The following SDK1 variants were observed in gnomAD, a reference collection of about 807,000 sequenced individuals.
SDK1 encodes sidekick cell adhesion molecule 1, also known as protein sidekick-1.
Under a neutral mutation model 245.5 loss-of-function variants are expected in SDK1, and 157 were observed. The observed-to-expected ratio is 0.64, with a 90% CI of 0.56 to 0.73. The LOEUF is 0.73. Ranked by LOEUF, SDK1 falls within the 30% of genes least tolerant of loss-of-function variation. SDK1 has a pLI of 0.00. For synonymous variants in SDK1, 1,647 were observed against 1,278.5 expected (o/e 1.29, Z -6.15); for missense variants, 3,583 against 3,002.3 (o/e 1.19, Z -4.52).
In SDK1 at chr7:4,000,507, C is replaced by T. The variant is rs142569608; in HGVS notation, c.2132-10459C>T. 2.1e-3 allele frequency among the ~76,000 whole-genome samples: 313 copies of T among 152,222 alleles called. 4 individuals are homozygous for T. The highest frequency in any genetic ancestry group is 0.015 in the East Asian group (75 of 5,148). ...CCACAAAGAGAATCTCTGAGCTGCA[C>T]GGCTGGGTTGGTTCTTCCCCTGCCA... On this transcript the variant is annotated intron_variant, in intron 14 of 44. Coordinates refer to ENST00000404826, the MANE Select transcript of SDK1 (RefSeq NM_152744.4).
rs113995722 is a variant in SDK1 at position 3,981,104 on chromosome 7, C to G, written c.1995-6082C>G. Among the ~76,000 whole-genome samples, 396 of 152,250 alleles carry G rather than the reference C, an allele frequency of 2.6e-3. 3 individuals carry two copies. Among genetic ancestry groups the G allele is most frequent in the African/African-American group, 9.3e-3 (385 of 41,536 alleles). Reference sequence around the variant, plus strand: ...AAGTCTATTGATGCAATTTTTCCAACGGCACCTGCTCACTTAGTGTCTCTG... The same window carrying G: ...AAGTCTATTGATGCAATTTTTCCAAGGGCACCTGCTCACTTAGTGTCTCTG... On this transcript the variant is annotated intron_variant, in intron 13 of 44. Transcript: ENST00000404826.
intron 1 of SDK1, among the ~76,000 whole-genome samples, chr7:3,586,082 G>A (rs968087305): frequency 1.3e-5 from 2 of 152,082 alleles, no homozygotes; most frequent in African/African-American, 4.8e-5. Flanking sequence ...TGGTGGGGCT[G>A]GCCCAGGAGA....
At chr7:3,599,512 C>CT (rs1357993223) in intron 1 of SDK1, among the ~76,000 whole-genome samples, 1 of 152,122 alleles carries the variant, frequency 6.6e-6, no homozygotes, top group Non-Finnish European at 1.5e-5. Flanking sequence ...GTGCATTATG[C>CT]TTTTTATGTC....
At position 4,267,091 on chromosome 7, in the gene SDK1, AC is replaced by A; in HGVS notation, c.*1709del. ...GCGTTGCTGAGTATGGCCCCAGGAG[AC>A]CAAGGAGAGTTTTGTATAGGCTGGA... On this transcript the variant is annotated 3_prime_UTR_variant, in exon 45 of 45. Transcript: ENST00000404826. The A allele has an allele frequency of 1.0e-6, 1 of 985,354 alleles. No individual in the cohort carries two copies. Among genetic ancestry groups the A allele is most frequent in the Non-Finnish European group, 1.2e-6 (1 of 829,924 alleles). 61.0% of individuals were successfully genotyped at this position (985,354 alleles called of 1,614,324 possible).
At position 4,233,258 on chromosome 7, in the gene SDK1, A is replaced by G. The variant is rs138370726; in HGVS notation, c.5831A>G (p.Glu1944Gly). The G allele has an allele frequency of 1.7e-4, 280 of 1,611,952 alleles. No individual in the cohort carries two copies. Among genetic ancestry groups the G allele is most frequent in the Non-Finnish European group, 2.8e-5 (33 of 1,178,798 alleles). The change falls in exon 41 of 45, where the codon GAA becomes GGA. Residue 1944 changes from glutamate (E) to glycine (G), a missense_variant. Transcript: ENST00000404826. ...GYVIEARPSD[E>G]GLWDMFVKDI... ...CGCCTCCCCATCCCTCTTGCAGATG[A>G]AGGCTTATGGGACATGTTTGTGAAG...
At chr7:3,401,345 C>A (rs116016229) in intron 1 of SDK1, among the ~76,000 whole-genome samples, 1 of 152,116 alleles carries the variant, frequency 6.6e-6, no homozygotes, top group Non-Finnish European at 1.5e-5. Context: ...TAAACAATTA[C>A]AATTTTCCTG....
intron 5 of SDK1, among the ~76,000 whole-genome samples, chr7:3,824,912 A>T (rs942825798): frequency 7.8e-4 from 119 of 152,190 alleles, no homozygotes; most frequent in African/African-American, 2.8e-3. Flanking sequence ...GGTTAAGAAG[A>T]TAAATTCCAG....
chr7:3,830,703 T>A (rs1043172691), intron 5 of SDK1, among the ~76,000 whole-genome samples: 1 of 152,150 alleles, frequency 6.6e-6, no homozygotes, highest in Non-Finnish European at 1.5e-5. Context: ...TGCCCATTGT[T>A]GCCCACGCTG....
chr7:4,193,603 C>T (rs1414789562), intron 35 of SDK1, among the ~76,000 whole-genome samples: 1 of 151,870 alleles, frequency 6.6e-6, no homozygotes, highest in Admixed American at 6.6e-5. Context: ...TCGGTCCATG[C>T]CCTCACTTTA....
intron 1 of SDK1, among the ~76,000 whole-genome samples, chr7:3,387,322 T>C (rs992748485): frequency 5.9e-5 from 9 of 152,134 alleles, no homozygotes; most frequent in African/African-American, 2.2e-4. Context: ...CTGAATTCCT[T>C]TAGAGATTCC....
At chr7:4,019,328 G>C (rs1786679666) in intron 17 of SDK1, among the ~76,000 whole-genome samples, 1 of 152,182 alleles carries the variant, frequency 6.6e-6, no homozygotes, top group African/African-American at 2.4e-5. Context: ...AGGCTTCCAA[G>C]ACAAGACTGC....
chr7:4,041,656 G>A lies in SDK1; in HGVS notation c.2603-7692G>A, dbSNP rs1024254692. Among the ~76,000 whole-genome samples the A allele has an allele frequency of 3.3e-5, 3 of 91,700 alleles. 1 individual carries two copies. The South Asian group carries it at 9.1e-4, about 28-fold the overall frequency. 60.2% of individuals were successfully genotyped at this position (91,700 alleles called of 152,430 possible). A position where few individuals can be genotyped will look rare whatever the true frequency, so the allele number is the denominator to read the frequency against. ...CACTGGTCCTTTTGCTGTCTCCATA[G>A]TTTGACCTTTTCCAAAATGTCATAT... On this transcript the variant is annotated intron_variant, in intron 17 of 44. Coordinates refer to ENST00000404826, the MANE Select transcript of SDK1 (RefSeq NM_152744.4).
At chr7:3,967,505 C>G (rs1273363863) in intron 10 of SDK1, 71 bp downstream of exon 10, 1 of 888,532 alleles carries the variant, frequency 1.1e-6, no homozygotes, top group Non-Finnish European at 1.9e-6. Context: ...GTGCTTGCTT[C>G]TTATTCACTC....
At chr7:3,488,593 G>A (rs1583936873) in intron 1 of SDK1, among the ~76,000 whole-genome samples, 1 of 152,140 alleles carries the variant, frequency 6.6e-6, no homozygotes, top group Non-Finnish European at 1.5e-5. Flanking sequence ...AATGATAGTT[G>A]AAGTCCCTTA....
chr7:4,044,729 G>A (rs932499457), intron 17 of SDK1, among the ~76,000 whole-genome samples: 1 of 152,152 alleles, frequency 6.6e-6, no homozygotes, highest in Non-Finnish European at 1.5e-5. Flanking sequence ...ACAGGCATCA[G>A]TCACCATGCC....
At chr7:3,826,083 G>T (rs542742515) in intron 5 of SDK1, among the ~76,000 whole-genome samples, 1 of 152,148 alleles carries the variant, frequency 6.6e-6, no homozygotes, top group South Asian at 2.1e-4. Context: ...CCTGCTGTAC[G>T]GAGTGAAGTG....
chr7:3,927,210 C>T (rs528357097), intron 5 of SDK1, among the ~76,000 whole-genome samples: 1 of 152,290 alleles, frequency 6.6e-6, no homozygotes, highest in East Asian at 1.9e-4. Context: ...AAGTTAGGAA[C>T]GTGCTGGTAT....
At chr7:3,590,071 T>G (rs1307256626) in intron 1 of SDK1, among the ~76,000 whole-genome samples, 1 of 152,142 alleles carries the variant, frequency 6.6e-6, no homozygotes, top group Non-Finnish European at 1.5e-5. Flanking sequence ...TGTAAATACG[T>G]ATGTGTTAGG....
At chr7:4,134,465 A>G (rs777197615) in intron 28 of SDK1, among the ~76,000 whole-genome samples, 2 of 152,168 alleles carry the variant, frequency 1.3e-5, no homozygotes, top group Non-Finnish European at 2.9e-5. Flanking sequence ...CAGGAGCCCC[A>G]CCCAGGCAGG....
Sources: gnomAD v4.1 joint callset for allele counts (sites outside exome capture counted in the v4.1 genomes callset) on GRCh38, gnomAD v4.1.1 for gene constraint, MANE v1.5 for transcripts, NCBI Gene and HGNC (gene_info 2026-07-23, HGNC 2026-07-21) for gene names.